SLC9A7: variants seen among roughly 807,000 people sequenced by gnomAD.
The protein encoded by SLC9A7 is sodium/hydrogen exchanger 7.
SLC9A7 carries 19 observed loss-of-function variants against 52.6 expected under a neutral mutation model. That is an observed-to-expected ratio of 0.36 (90% CI 0.25 to 0.53). The LOEUF is 0.53. SLC9A7 is among the 20% of genes least tolerant of loss of function. SLC9A7 has a pLI of 0.91. For synonymous variants in SLC9A7, 226 were observed against 252.1 expected, an observed-to-expected ratio of 0.90 and a Z score of 0.98; for missense variants, 455 against 597.9, an observed-to-expected ratio of 0.76 and a Z score of 2.49.
chrX:46,661,984 C>T (rs1454629968), intron 7 of SLC9A7, 32 bp downstream of exon 7: 1 of 1,155,457 alleles, frequency 8.7e-7, no homozygotes, highest in Admixed American at 2.6e-5. Flanking sequence ...ACACGCATAC[C>T]CAGGCCCGAG....
intron 15 of SLC9A7, among the ~76,000 whole-genome samples, chrX:46,614,273 A>T (rs1248123328): frequency 2.7e-5 from 3 of 111,934 alleles, no homozygotes; most frequent in Non-Finnish European, 1.9e-5. Flanking sequence ...GGTTACATCA[A>T]ATGTGCTCAG....
rs1942700595 is a variant in SLC9A7, at chrX:46,603,916, C to T, written c.*3036G>A. On this transcript the variant is annotated 3_prime_UTR_variant, in exon 17 of 17. Coordinates refer to ENST00000616978, the MANE Select transcript of SLC9A7 (RefSeq NM_001257291.2). ...CCTTGAGGTGAACAAAGAACCATCA[C>T]CAGGGTGTGTCTGTTAGTTTTTTCC... 8.9e-6 allele frequency: 1 copy of T among 112,164 alleles called. No individual in the cohort carries two copies. The highest frequency in any genetic ancestry group is 1.9e-5 in the Non-Finnish European group (1 of 53,202). The allele number at this position is 112,164 out of a possible 1,213,427, so 9.2% of individuals were successfully genotyped here. A position where few individuals can be genotyped will look rare whatever the true frequency, so the allele number is the denominator to read the frequency against.
chrX:46,694,467 G>A (rs912799518), intron 1 of SLC9A7, among the ~76,000 whole-genome samples: 1 of 111,479 alleles, frequency 9.0e-6, no homozygotes, highest in Non-Finnish European at 1.9e-5. Context: ...AATTATGAAT[G>A]ACTAATAAGC....
chrX:46,748,310 C>T (rs1365471939), intron 1 of SLC9A7, among the ~76,000 whole-genome samples: 1 of 99,788 alleles, frequency 1.0e-5, no homozygotes, highest in African/African-American at 3.7e-5. Flanking sequence ...TGCGCCATTG[C>T]ACTCCGGCCT....
chrX:46,680,790 T>A (rs935763371), intron 2 of SLC9A7, among the ~76,000 whole-genome samples: 3 of 112,668 alleles, frequency 2.7e-5, no homozygotes, highest in African/African-American at 9.7e-5. Context: ...ATTCTAGTTA[T>A]TAAATGTTAA....
At chrX:46,724,712 A>C (rs775776510) in intron 1 of SLC9A7, among the ~76,000 whole-genome samples, 1 of 111,579 alleles carries the variant, frequency 9.0e-6, no homozygotes, top group Admixed American at 9.5e-5. Context: ...AAAGGCCATC[A>C]CTTTAACCAA....
At chrX:46,632,820 T>A (rs911025418) in intron 13 of SLC9A7, among the ~76,000 whole-genome samples, 3 of 111,445 alleles carry the variant, frequency 2.7e-5, no homozygotes, top group African/African-American at 9.8e-5. Flanking sequence ...GGTGCCCCTA[T>A]ACCCTCTTGC....
rs374503234 is a variant in SLC9A7 at position 46,599,940 on chromosome X, CT to C, written c.*7011del. ...GTTGCTTTTCAGCTATTAAATGAAT[CT>C]TTATGGCCTTCTCATTTAACCATTT... On this transcript the variant is annotated 3_prime_UTR_variant, in exon 17 of 17. Coordinates refer to ENST00000616978, the MANE Select transcript of SLC9A7 (RefSeq NM_001257291.2). 25 of 112,073 alleles carry C rather than the reference CT, an allele frequency of 2.2e-4. No individual in the cohort carries two copies. The highest frequency in any genetic ancestry group is 7.8e-4 in the African/African-American group (24 of 30,912). The allele number at this position is 112,073 out of a possible 1,213,427, so 9.2% of individuals were successfully genotyped here.
intron 12 of SLC9A7, among the ~76,000 whole-genome samples, chrX:46,639,680 G>A (rs1326728557): frequency 1.0e-5 from 1 of 97,739 alleles, no homozygotes; most frequent in Non-Finnish European, 2.0e-5. Context: ...AATAAGGCAA[G>A]AAAAGGACAC....
At position 46,653,751 on chromosome X, in the gene SLC9A7, T is replaced by C. The variant is rs777496173; in HGVS notation, c.1042-37A>G. 5 of 1,052,183 alleles carry C rather than the reference T, an allele frequency of 4.8e-6. No individual in the cohort carries two copies. In the African/African-American group the frequency reaches 7.4e-5, roughly 16 times the overall value. The allele number at this position is 1,052,183 out of a possible 1,213,427, so 86.7% of individuals were successfully genotyped here. On this transcript the variant is annotated intron_variant, in intron 7 of 16. Coordinates refer to ENST00000616978, the MANE Select transcript of SLC9A7 (RefSeq NM_001257291.2). ...GTCAAGGACCCTGTCTCCAGGTACA[T>C]GTATCAGGGCCACCAAGAACCATAC...
At position 46,669,749 on chromosome X, in the gene SLC9A7, G is replaced by A. The variant is rs765814949; in HGVS notation, c.681-30C>T. The A allele has an allele frequency of 8.6e-6, 7 of 817,964 alleles. No homozygotes were observed. In the African/African-American group the frequency reaches 1.5e-4, roughly 17 times the overall value. 67.4% of individuals were successfully genotyped at this position (817,964 alleles called of 1,213,427 possible). ...AAGAAGGTAAGGTAAACTATGTCAG[G>A]AGAAAAAAATAAGTAACTTAGCAAA... On this transcript the variant is annotated intron_variant, in intron 4 of 16. Transcript: ENST00000616978.
intron 1 of SLC9A7, among the ~76,000 whole-genome samples, chrX:46,689,089 G>A (rs1316884208): frequency 1.8e-5 from 2 of 111,275 alleles, no homozygotes; most frequent in East Asian, 2.8e-4. Flanking sequence ...ACTGCAACAA[G>A]GATACCAAAT....
At chrX:46,716,893 C>T (rs184122289) in intron 1 of SLC9A7, among the ~76,000 whole-genome samples, 3 of 112,037 alleles carry the variant, frequency 2.7e-5, no homozygotes, top group Admixed American at 9.4e-5. Context: ...CTGGATAAAG[C>T]CAGAACTCTG....
intron 1 of SLC9A7, among the ~76,000 whole-genome samples, chrX:46,750,596 C>T (rs1462238604): frequency 1.8e-5 from 2 of 111,978 alleles, no homozygotes; most frequent in East Asian, 5.6e-4. Context: ...GCAATCCTCC[C>T]GCTTCGGCCT....
intron 1 of SLC9A7, among the ~76,000 whole-genome samples, chrX:46,738,817 C>G (rs1346128703): frequency 9.1e-6 from 1 of 109,853 alleles, no homozygotes; most frequent in Non-Finnish European, 1.9e-5. Flanking sequence ...AGCATTGATT[C>G]AGAGAGATTA....
At chrX:46,662,349 C>T (rs948855336) in intron 6 of SLC9A7, among the ~76,000 whole-genome samples, 189 bp downstream of exon 6, 1 of 111,971 alleles carries the variant, frequency 8.9e-6, no homozygotes, top group Non-Finnish European at 1.9e-5. Flanking sequence ...CACCATGTTA[C>T]GCTGGTGTCA....
At chrX:46,667,502 A>G (rs1038803253) in intron 5 of SLC9A7, among the ~76,000 whole-genome samples, 32 of 111,426 alleles carry the variant, frequency 2.9e-4, no homozygotes, top group Admixed American at 2.4e-3. Flanking sequence ...TTAACATTAA[A>G]TAAAAGTTAA....
intron 1 of SLC9A7, among the ~76,000 whole-genome samples, chrX:46,694,485 A>C (rs1472440512): frequency 8.9e-6 from 1 of 111,774 alleles, no homozygotes; most frequent in Non-Finnish European, 1.9e-5. Context: ...AGCACACGAA[A>C]AGATGGTCAA....
At position 46,605,952 on chromosome X, in the gene SLC9A7, G is replaced by C. The variant is rs2146659490; in HGVS notation, c.*1000C>G. The C allele has an allele frequency of 9.0e-6, 1 of 111,403 alleles. No individual in the cohort carries two copies. The highest frequency in any genetic ancestry group is 3.3e-5 in the African/African-American group (1 of 30,644). The allele number at this position is 111,403 out of a possible 1,213,427, so 9.2% of individuals were successfully genotyped here. The stretch of plus-strand genomic sequence containing the variant: ...AGGTGGATCACGAGGTCAGGAGTTT[G>C]ACACCAGCCTGGGCAACATGGTGAA... On this transcript the variant is annotated 3_prime_UTR_variant, in exon 17 of 17. Transcript: ENST00000616978.
Sources: allele counts gnomAD v4.1 joint callset (sites outside exome capture counted in the v4.1 genomes callset), GRCh38; gene constraint gnomAD v4.1.1; transcripts MANE v1.5; gene names NCBI Gene and HGNC (gene_info 2026-07-23, HGNC 2026-07-21).